Variants in SOX5 observed in about 807,000 individuals in gnomAD.
The protein encoded by SOX5 is transcription factor SOX-5.
In SOX5, 9 loss-of-function variants were observed where a neutral mutation model predicts 92.0. The observed-to-expected ratio is 0.10, with a 90% confidence interval of 0.06 to 0.17. The LOEUF (loss-of-function observed/expected upper bound fraction) is 0.17. SOX5 is among the 10% of genes least tolerant of loss of function. The probability of loss-of-function intolerance (pLI) is 1.00; values close to 1 mark genes in which losing one functional copy is unlikely to be tolerated. For missense variants in SOX5, 642 were observed against 944.5 expected, an observed-to-expected ratio of 0.68 and a Z score of 4.20; for synonymous variants, 344 against 336.3, an observed-to-expected ratio of 1.02 and a Z score of -0.25.
chr12:23,540,057 G>A (rs1034229476), intron 13 of SOX5, among the ~76,000 whole-genome samples: 4 of 150,400 alleles, frequency 2.7e-5, no homozygotes, highest in African/African-American at 9.8e-5. Flanking sequence ...AAACATACTT[G>A]ATGAGAATGG....
intron 2 of SOX5, among the ~76,000 whole-genome samples, chr12:24,313,358 T>A (rs1017121984): frequency 1.3e-5 from 2 of 151,940 alleles, no homozygotes; most frequent in African/African-American, 2.4e-5. Context: ...TGAGACCCCA[T>A]CTCTATAAAA....
intron 2 of SOX5, among the ~76,000 whole-genome samples, chr12:24,353,167 C>G (rs747355860): frequency 5.9e-5 from 9 of 152,194 alleles, no homozygotes; most frequent in Non-Finnish European, 1.2e-4. Context: ...TTACCCGGCT[C>G]TATAAGCTGC....
At chr12:23,995,413 G>A (rs1159085484) in intron 4 of SOX5, among the ~76,000 whole-genome samples, 1 of 152,066 alleles carries the variant, frequency 6.6e-6, no homozygotes, top group African/African-American at 2.4e-5. Context: ...ATAGTAATAG[G>A]GATGAGCACA....
intron 4 of SOX5, among the ~76,000 whole-genome samples, chr12:24,170,522 G>A (rs1275838400): frequency 6.6e-6 from 1 of 152,172 alleles, no homozygotes; most frequent in Non-Finnish European, 1.5e-5. Flanking sequence ...TAGGACCTCT[G>A]TCACTTGTGT....
chr12:24,379,980 T>C (rs945579070), intron 1 of SOX5, among the ~76,000 whole-genome samples: 4 of 151,838 alleles, frequency 2.6e-5, no homozygotes, highest in Admixed American at 6.6e-5. Flanking sequence ...TAGAGGAATG[T>C]GTAATGAAAA....
chr12:24,118,144 A>C (rs993834221), intron 4 of SOX5, among the ~76,000 whole-genome samples: 1 of 152,050 alleles, frequency 6.6e-6, no homozygotes, highest in Admixed American at 6.6e-5. Flanking sequence ...AAAAGTTACA[A>C]GGTTTTAATT....
At chr12:24,071,900 C>T (rs1941845792) in intron 4 of SOX5, among the ~76,000 whole-genome samples, 1 of 152,092 alleles carries the variant, frequency 6.6e-6, no homozygotes, top group Admixed American at 6.5e-5. Flanking sequence ...TCTGCAGAAA[C>T]AAAATTATAA....
intron 1 of SOX5, among the ~76,000 whole-genome samples, chr12:23,947,072 A>G: frequency 6.6e-6 from 1 of 151,964 alleles, no homozygotes; most frequent in East Asian, 1.9e-4. Context: ...CTTAAAGTTC[A>G]AATAGTCTAC....
chr12:24,278,070 G>A (rs1318147419), intron 2 of SOX5, among the ~76,000 whole-genome samples: 2 of 152,148 alleles, frequency 1.3e-5, no homozygotes, highest in African/African-American at 4.8e-5. Flanking sequence ...CAAGGAACCT[G>A]TACACGGTAG....
rs369391113 is a variant in SOX5 at position 24,499,701 on chromosome 12, G to A, written c.-251+62628C>T. ...CTGATTTAATAGTCCTAGTCCAGGCGAAGGATGCTAATAACACTTTAAAGT... is the reference window on the plus strand; with the variant it reads ...CTGATTTAATAGTCCTAGTCCAGGCAAAGGATGCTAATAACACTTTAAAGT... On this transcript the variant is annotated intron_variant, in intron 1 of 4. Coordinates refer to the SOX5 transcript ENST00000446891. Among the ~76,000 whole-genome samples the A allele has an allele frequency of 3.5e-3, 526 of 151,434 alleles. 3 individuals carry two copies. Among genetic ancestry groups the A allele is most frequent in the African/African-American group, 0.012 (507 of 41,252 alleles).
rs114631610 is a variant in SOX5, at chr12:24,514,409, G to A, written c.-251+47920C>T. Reference sequence around the variant, plus strand: ...TCAGAGTCCACATTCCATTAACACCGACCCACTAATCAATTATCTATGAGT... The same window carrying A: ...TCAGAGTCCACATTCCATTAACACCAACCCACTAATCAATTATCTATGAGT... On this transcript the variant is annotated intron_variant, in intron 1 of 4. Transcript: ENST00000446891. Among the ~76,000 whole-genome samples the A allele has an allele frequency of 3.0e-3, 463 of 152,102 alleles. 5 individuals are homozygous for A. Among genetic ancestry groups the A allele is most frequent in the African/African-American group, 4.3e-3 (178 of 41,488 alleles).
At chr12:24,315,038 TAATGA>T (rs1254568779) in intron 2 of SOX5, among the ~76,000 whole-genome samples, 1 of 152,252 alleles carries the variant, frequency 6.6e-6, no homozygotes, top group Non-Finnish European at 1.5e-5. Context: ...ATTAATGAGT[TAATGA>T]AATACTTTAG....
chr12:24,174,678 A>G (rs1331891907), intron 4 of SOX5, among the ~76,000 whole-genome samples: 1 of 152,090 alleles, frequency 6.6e-6, no homozygotes, highest in East Asian at 1.9e-4. Flanking sequence ...AAAATTAGCC[A>G]GGTGTGGTGG....
At chr12:24,550,129 G>A (rs1953013548) in intron 1 of SOX5, among the ~76,000 whole-genome samples, 1 of 152,202 alleles carries the variant, frequency 6.6e-6, no homozygotes, top group South Asian at 2.1e-4. Flanking sequence ...GCTGTATAAT[G>A]GGACAGCATC....
intron 1 of SOX5, among the ~76,000 whole-genome samples, chr12:24,422,280 G>A (rs1301063034): frequency 6.6e-6 from 1 of 152,080 alleles, no homozygotes; most frequent in African/African-American, 2.4e-5. Flanking sequence ...TACTAATATT[G>A]ATCAATATCT....
chr12:24,142,598 A>G (rs981958503), intron 4 of SOX5, among the ~76,000 whole-genome samples: 2 of 152,096 alleles, frequency 1.3e-5, no homozygotes, highest in African/African-American at 4.8e-5. Context: ...TGCCTGAAAT[A>G]ACGTCTAAAC....
chr12:24,002,132 T>C (rs1303729374), intron 4 of SOX5, among the ~76,000 whole-genome samples: 3 of 152,070 alleles, frequency 2.0e-5, no homozygotes, highest in Non-Finnish European at 4.4e-5. Flanking sequence ...GACTTCAGTT[T>C]GCATGTTTAG....
At chr12:23,634,154 A>G (rs1409555316) in intron 8 of SOX5, among the ~76,000 whole-genome samples, 1 of 152,164 alleles carries the variant, frequency 6.6e-6, no homozygotes, top group Non-Finnish European at 1.5e-5. Flanking sequence ...ATTTGCAAGT[A>G]TGCACTGAAT....
At chr12:23,917,763 A>AT (rs2097432984) in intron 1 of SOX5, among the ~76,000 whole-genome samples, 1 of 151,998 alleles carries the variant, frequency 6.6e-6, no homozygotes, top group African/African-American at 2.4e-5. Flanking sequence ...TACTGCTGAT[A>AT]TTTTACTCTT....
Sources: allele counts gnomAD v4.1 joint callset (sites outside exome capture counted in the v4.1 genomes callset), GRCh38; gene constraint gnomAD v4.1.1; transcripts MANE v1.5; gene names NCBI Gene and HGNC (gene_info 2026-07-23, HGNC 2026-07-21).